Variants in PTP4A3 observed in about 807,000 individuals in gnomAD.
PTP4A3 encodes protein tyrosine phosphatase type IVA 3.
In PTP4A3, 9 loss-of-function variants were observed where a neutral mutation model predicts 15.2. The observed-to-expected ratio is 0.59, with a 90% CI of 0.36 to 1.03. The LOEUF (loss-of-function observed/expected upper bound fraction) is 1.03, where lower values mean the gene tolerates loss of function less well. Ranked by LOEUF, PTP4A3 falls within the 50% of genes least tolerant of loss-of-function variation. The pLI is 0.02. For missense variants in PTP4A3, 234 were observed against 252.1 expected, an observed-to-expected ratio of 0.93 and a Z score of 0.49; for synonymous variants, 95 against 102.0, an observed-to-expected ratio of 0.93 and a Z score of 0.41.
chr8:141,411,578 G>A (rs1336545208), intron 1 of PTP4A3, among the ~76,000 whole-genome samples: 3 of 152,248 alleles, frequency 2.0e-5, no homozygotes, highest in East Asian at 1.9e-4. Context: ...AGAGGCCTAC[G>A]TGCATGCCGG....
At chr8:141,393,203 C>A (rs1255179320) in intron 1 of PTP4A3, among the ~76,000 whole-genome samples, 1 of 152,220 alleles carries the variant, frequency 6.6e-6, no homozygotes, top group African/African-American at 2.4e-5. Context: ...GATGAGGAGA[C>A]TGAGGCCCAC....
Position 141,422,141 on chromosome 8 carries a change from C to A in PTP4A3, c.-100C>A. Reference sequence around the variant, plus strand: ...TTCTCTTGGACAAGCACAGGGATCTCGTTCTCCTCATTTTTTGGGGGTGTG... The same window carrying A: ...TTCTCTTGGACAAGCACAGGGATCTAGTTCTCCTCATTTTTTGGGGGTGTG... On this transcript the variant is annotated 5_prime_UTR_variant, in exon 2 of 6. Coordinates refer to ENST00000521578, the MANE Select transcript of PTP4A3 (RefSeq NM_032611.3). The A allele has an allele frequency of 9.0e-7, 1 of 1,116,480 alleles. No individual in the cohort carries two copies. Among genetic ancestry groups the A allele is most frequent in the East Asian group, 2.4e-5 (1 of 42,058 alleles). The allele number at this position is 1,116,480 out of a possible 1,614,324, so 69.2% of individuals were successfully genotyped here. A position where few individuals can be genotyped will look rare whatever the true frequency, so the allele number is the denominator to read the frequency against.
At position 141,424,940 on chromosome 8, in the gene PTP4A3, T is replaced by C. The variant is rs1348686305; in HGVS notation, c.106-108T>C. ...TGAGGGGACATGTCCAAGTCCTGGG[T>C]GACTGTGGGGGACACAGCTGTGCCC... On this transcript the variant is annotated intron_variant, in intron 2 of 5. Coordinates refer to ENST00000521578, the MANE Select transcript of PTP4A3 (RefSeq NM_032611.3). 3.9e-5 allele frequency: 35 copies of C among 905,230 alleles called. No homozygotes were observed. In the Admixed American group the frequency reaches 3.9e-4, roughly 10 times the overall value. 56.1% of individuals were successfully genotyped at this position (905,230 alleles called of 1,614,324 possible).
At chr8:141,427,208 C>T in intron 4 of PTP4A3, 139 bp downstream of exon 4, 54 of 1,259,762 alleles carry the variant, frequency 4.3e-5, no homozygotes, top group Non-Finnish European at 5.6e-5. Flanking sequence ...AGTGCTGGGG[C>T]TCCCAGACTG....
chr8:141,399,708 C>G (rs182446409), intron 1 of PTP4A3, among the ~76,000 whole-genome samples: 1 of 152,196 alleles, frequency 6.6e-6, no homozygotes, highest in African/African-American at 2.4e-5. Flanking sequence ...AATGGATGGA[C>G]GGGGTCCTGG....
rs765562614 is a variant in PTP4A3 at position 141,430,935 on chromosome 8, G to A, written c.413G>A (p.Arg138His). The A allele has an allele frequency of 5.0e-6, 8 of 1,613,174 alleles. No homozygotes were observed. The highest frequency in any genetic ancestry group is 2.2e-5 in the South Asian group (2 of 91,082). Residue 138 changes from arginine to histidine, a missense_variant, in exon 6 of 6, where the codon CGC (arginine) becomes CAC (histidine). Coordinates refer to ENST00000521578, the MANE Select transcript of PTP4A3 (RefSeq NM_032611.3). ...TGTTCCCCTCTTCCCAGGAAGCGCC[G>A]CGGAGCCATCAACAGCAAGCAGCTC... is the stretch of plus-strand genomic sequence containing the variant. ...DAIQFIRQKRRGAINSKQLTY... is the reference protein window; with the variant it reads ...DAIQFIRQKRHGAINSKQLTY...
At chr8:141,400,688 C>A (rs1318745954) in intron 1 of PTP4A3, among the ~76,000 whole-genome samples, 1 of 152,152 alleles carries the variant, frequency 6.6e-6, no homozygotes, top group African/African-American at 2.4e-5. Flanking sequence ...TGTTGGTGCC[C>A]GGCTGTGTGT....
At chr8:141,399,229 A>C (rs1437300526) in intron 1 of PTP4A3, among the ~76,000 whole-genome samples, 1 of 152,114 alleles carries the variant, frequency 6.6e-6, no homozygotes. Flanking sequence ...CCACTCTGGC[A>C]TCTTCTACTG....
chr8:141,410,497 C>T (rs966577642), intron 1 of PTP4A3, among the ~76,000 whole-genome samples: 4 of 152,206 alleles, frequency 2.6e-5, no homozygotes, highest in Non-Finnish European at 4.4e-5. Context: ...CTTCTTGGGG[C>T]GCTCGGTGTC....
At chr8:141,398,594 G>A (rs113130669) in intron 1 of PTP4A3, among the ~76,000 whole-genome samples, 50 of 152,168 alleles carry the variant, frequency 3.3e-4, no homozygotes, top group Non-Finnish European at 5.7e-4. Context: ...AACCCTGGGA[G>A]TTGGAGGGTC....
intron 1 of PTP4A3, among the ~76,000 whole-genome samples, chr8:141,420,510 T>G (rs1240347326): frequency 2.0e-5 from 3 of 151,906 alleles, no homozygotes; most frequent in African/African-American, 7.3e-5. Context: ...GGCGTGGAGG[T>G]GCCTTGGGTT....
intron 3 of PTP4A3, chr8:141,426,338 A>G: frequency 1.4e-6 from 1 of 712,410 alleles, no homozygotes; most frequent in Non-Finnish European, 1.7e-6. Flanking sequence ...GGACAGTGGG[A>G]AGCACAGGTC....
intron 1 of PTP4A3, among the ~76,000 whole-genome samples, chr8:141,409,734 A>C (rs1832818026): frequency 6.6e-6 from 1 of 152,132 alleles, no homozygotes; most frequent in African/African-American, 2.4e-5. Flanking sequence ...CTCTCCTGGG[A>C]GCTGGGCAGG....
At chr8:141,422,401 C>T (rs1787700966) in intron 2 of PTP4A3, 56 bp downstream of exon 2, 3 of 1,594,316 alleles carry the variant, frequency 1.9e-6, no homozygotes, top group African/African-American at 1.3e-5. Flanking sequence ...GGAAGCCCGG[C>T]TGAGCTGCCC....
chr8:141,427,351 C>T (rs994470001), intron 4 of PTP4A3, among the ~76,000 whole-genome samples: 3 of 152,188 alleles, frequency 2.0e-5, no homozygotes, highest in African/African-American at 7.2e-5. Flanking sequence ...CAAAGATCCC[C>T]CCACACACAG....
chr8:141,422,044 A>G lies in PTP4A3; in HGVS notation c.-197A>G. On this transcript the variant is annotated 5_prime_UTR_variant, in exon 2 of 6. Transcript: ENST00000521578. ...TTTTTTAATTATCCAAACAGTGGGC[A>G]GCTTCCTCCCCCACACCCAAGTATT... 1 of 539,746 alleles carries G rather than the reference A, an allele frequency of 1.9e-6. No homozygotes were observed. Among genetic ancestry groups the G allele is most frequent in the Non-Finnish European group, 3.3e-6 (1 of 307,526 alleles). 33.4% of individuals were successfully genotyped at this position (539,746 alleles called of 1,614,324 possible).
intron 1 of PTP4A3, among the ~76,000 whole-genome samples, chr8:141,412,694 G>A (rs1832902495): frequency 6.6e-6 from 1 of 152,200 alleles, no homozygotes; most frequent in African/African-American, 2.4e-5. Context: ...CTCCCACAGC[G>A]AGCTCGCCCA....
intron 1 of PTP4A3, among the ~76,000 whole-genome samples, chr8:141,410,920 G>A (rs1234887792): frequency 6.6e-6 from 1 of 152,158 alleles, no homozygotes; most frequent in Non-Finnish European, 1.5e-5. Flanking sequence ...GCTTTGAGCC[G>A]GGGTCACTGG....
intron 1 of PTP4A3, among the ~76,000 whole-genome samples, chr8:141,411,282 A>G (rs1832862293): frequency 6.6e-6 from 1 of 152,220 alleles, no homozygotes; most frequent in African/African-American, 2.4e-5. Context: ...CAGTGATGTG[A>G]CTATGAAACC....
Sources: allele counts gnomAD v4.1 joint callset (sites outside exome capture counted in the v4.1 genomes callset), GRCh38; gene constraint gnomAD v4.1.1; transcripts MANE v1.5; gene names NCBI Gene and HGNC (gene_info 2026-07-23, HGNC 2026-07-21).